The following CYP2B6 variants were observed in gnomAD, a reference collection of about 807,000 sequenced individuals.
The protein encoded by CYP2B6 is cytochrome P450 family 2 subfamily B member 6.
A neutral mutation model predicts 43.4 loss-of-function variants in CYP2B6; 35 were observed. The observed-to-expected ratio is 0.81, with a 90% CI of 0.62 to 1.07. The LOEUF (loss-of-function observed/expected upper bound fraction) is 1.07, where lower values mean the gene tolerates loss of function less well. Among genes scored for constraint, CYP2B6 ranks in the 50% least tolerant of loss-of-function variants. The pLI is 0.00. For missense variants in CYP2B6, 624 were observed against 632.8 expected (o/e 0.99, Z 0.15); for synonymous variants, 239 against 239.2 (o/e 1.00, Z 0.01).
chr19:41,004,543 G>T, intron 3 of CYP2B6, 97 bp downstream of exon 3: 1 of 1,376,516 alleles, frequency 7.3e-7, no homozygotes, highest in East Asian at 2.4e-5. Flanking sequence ...TAAGGGCACA[G>T]ACAGAGACAG....
rs28399489 is a variant in CYP2B6 at position 41,006,787 on chromosome 19, C to T, written c.485-118C>T. 2,129 of 929,064 alleles carry T rather than the reference C, an allele frequency of 2.3e-3. 33 individuals carry two copies. In the African/African-American group the frequency reaches 0.03, roughly 13 times the overall value. 57.6% of individuals were successfully genotyped at this position (929,064 alleles called of 1,614,324 possible). A position where few individuals can be genotyped will look rare whatever the true frequency, so the allele number is the denominator to read the frequency against. ...CGTGCTGGTACATAATTAGCTGTTA[C>T]GGTTATTCTCATGTTTACCATTACT... On this transcript the variant is annotated intron_variant, in intron 3 of 8. Transcript: ENST00000324071.
chr19:40,997,352 T>C (rs62109048), intron 1 of CYP2B6, among the ~76,000 whole-genome samples: 43,868 of 151,882 alleles, frequency 0.29, 6,898 homozygotes, highest in African/African-American at 0.38. Flanking sequence ...CACTTTCCAA[T>C]GGGAGAATTA....
chr19:41,012,219 G>A, intron 6 of CYP2B6, 79 bp from the exon 7 acceptor site: 1 of 1,403,760 alleles, frequency 7.1e-7, no homozygotes, highest in Non-Finnish European at 1.0e-6. Flanking sequence ...AAAATTGCTG[G>A]GATTACAGGC....
chr19:40,995,516 G>C (rs1334265447), intron 1 of CYP2B6, among the ~76,000 whole-genome samples: 1 of 152,188 alleles, frequency 6.6e-6, no homozygotes, highest in East Asian at 1.9e-4. Flanking sequence ...TCTAGATCAT[G>C]AAAGGTCTGG....
chr19:41,017,534 A>T lies in CYP2B6; in HGVS notation c.*707A>T, dbSNP rs1373157890. 2 of 151,898 alleles carry T rather than the reference A, an allele frequency of 1.3e-5. No homozygotes were observed. The highest frequency in any genetic ancestry group is 2.9e-5 in the Non-Finnish European group (2 of 67,998). 9.4% of individuals were successfully genotyped at this position (151,898 alleles called of 1,614,324 possible). A position where few individuals can be genotyped will look rare whatever the true frequency, so the allele number is the denominator to read the frequency against. Reference sequence around the variant, plus strand: ...ACCCAGGTTCGAGTTCAGTGGTGCCATCTCTGTCCACTGCAACCTCCACAT... The same window carrying T: ...ACCCAGGTTCGAGTTCAGTGGTGCCTTCTCTGTCCACTGCAACCTCCACAT... On this transcript the variant is annotated 3_prime_UTR_variant, in exon 9 of 9. Transcript: ENST00000324071.
chr19:40,999,399 T>C (rs1969047681), intron 1 of CYP2B6, among the ~76,000 whole-genome samples: 1 of 152,020 alleles, frequency 6.6e-6, no homozygotes, highest in Admixed American at 6.5e-5. Flanking sequence ...GTAGTTTCTT[T>C]TGCTGTGCAG....
Position 41,004,384 on chromosome 19 carries a change from G to T in CYP2B6, c.422G>T (p.Ser141Ile). 6.2e-7 allele frequency: 1 copy of T among 1,614,070 alleles called. No individual in the cohort carries two copies. Among genetic ancestry groups the T allele is most frequent in the Non-Finnish European group, 8.5e-7 (1 of 1,180,030 alleles). ...TMRDFGMGKR[S>I]VEERIQEEAQ... ...AGGGACTTCGGGATGGGAAAGCGGA[G>T]TGTGGAGGAGCGGATTCAGGAGGAG... Residue 141 changes from serine (S) to isoleucine (I), a missense_variant, in exon 3 of 9, where the codon AGT becomes ATT. Ser to Ile is a moderately radical substitution (Grantham distance 142). Transcript: ENST00000324071.
intron 1 of CYP2B6, among the ~76,000 whole-genome samples, chr19:40,992,563 G>C (rs996371387): frequency 1.3e-5 from 2 of 152,056 alleles, no homozygotes; most frequent in African/African-American, 4.8e-5. Flanking sequence ...CTGTCAGCCA[G>C]GCTGAAGTGC....
chr19:41,008,438 G>T (rs1969228810), intron 4 of CYP2B6, among the ~76,000 whole-genome samples: 1 of 133,366 alleles, frequency 7.5e-6, no homozygotes, highest in Admixed American at 7.9e-5. Context: ...GGTCAACATA[G>T]CTACAGCTAT....
rs188688874 is a variant in CYP2B6 at position 40,996,124 on chromosome 19, T to A, written c.171+4648T>A. Among the ~76,000 whole-genome samples, 443 of 152,212 alleles carry A rather than the reference T, an allele frequency of 2.9e-3. 3 individuals carry two copies. The highest frequency in any genetic ancestry group is 0.01 in the African/African-American group (420 of 41,486). ...TGGGCCTGTAATAAACTTTGAGGGA[T>A]GTGGAGTTGGGGAGTATAGGTAAGG... is the stretch of plus-strand genomic sequence containing the variant. On this transcript the variant is annotated intron_variant, in intron 1 of 8. Coordinates refer to ENST00000324071, the MANE Select transcript of CYP2B6 (RefSeq NM_000767.5).
chr19:41,004,468 G>A, intron 3 of CYP2B6, 22 bp downstream of exon 3: 3 of 1,612,364 alleles, frequency 1.9e-6, no homozygotes, highest in East Asian at 2.2e-5. Context: ...GGGATGAATA[G>A]GAAAGAAAGA....
intron 8 of CYP2B6, chr19:41,013,031 G>A: frequency 1.6e-6 from 1 of 606,416 alleles, no homozygotes; most frequent in Non-Finnish European, 2.9e-6. Context: ...AGGACCTTGG[G>A]CAAGTATTTT....
At chr19:40,992,333 A>G (rs1260205422) in intron 1 of CYP2B6, among the ~76,000 whole-genome samples, 2 of 152,044 alleles carry the variant, frequency 1.3e-5, no homozygotes, top group Non-Finnish European at 2.9e-5. Context: ...TTTGAGATTG[A>G]CCAAAACCTT....
rs116960502 is a variant in CYP2B6 at position 40,997,365 on chromosome 19, A to G, written c.171+5889A>G. On this transcript the variant is annotated intron_variant, in intron 1 of 8. Coordinates refer to ENST00000324071, the MANE Select transcript of CYP2B6 (RefSeq NM_000767.5). ...CCCACTTTCCAATGGGAGAATTAGA[A>G]CACTGACAATACCTTCCAGCTCCTC... is the stretch of plus-strand genomic sequence containing the variant. Among the ~76,000 whole-genome samples the G allele has an allele frequency of 5.1e-3, 770 of 152,196 alleles. 3 individuals carry two copies. Among genetic ancestry groups the G allele is most frequent in the Middle Eastern group, 0.017 (5 of 294 alleles).
intron 4 of CYP2B6, chr19:41,007,266 A>G (rs1444048988): frequency 3.7e-5 from 22 of 595,428 alleles, no homozygotes; most frequent in East Asian, 1.1e-4. Context: ...AGAGAGAATG[A>G]GGCGTGATGG....
chr19:40,996,376 C>T (rs970829759), intron 1 of CYP2B6, among the ~76,000 whole-genome samples: 2 of 152,060 alleles, frequency 1.3e-5, no homozygotes, highest in African/African-American at 4.8e-5. Context: ...TCCAGGAATG[C>T]CCAGTAAGGA....
chr19:41,011,638 A>G (rs185769140), intron 6 of CYP2B6, among the ~76,000 whole-genome samples: 200 of 152,312 alleles, frequency 1.3e-3, no homozygotes, highest in African/African-American at 4.6e-3. Context: ...TATAAACACA[A>G]TAAATATTAG....
In CYP2B6 at chr19:41,012,400, T is replaced by G; in HGVS notation, c.1067T>G (p.Ile356Ser). The G allele has an allele frequency of 6.2e-7, 1 of 1,614,032 alleles. No individual in the cohort carries two copies. Among genetic ancestry groups the G allele is most frequent in the South Asian group, 1.1e-5 (1 of 91,076 alleles). The change falls in exon 7 of 9, where the codon ATT (isoleucine) becomes AGT (serine). Residue 356 changes from isoleucine to serine, a missense_variant. By Grantham distance (142) the Ile-to-Ser change is moderately radical. Coordinates refer to ENST00000324071, the MANE Select transcript of CYP2B6 (RefSeq NM_000767.5). ...TACACAGAGGCAGTCATCTATGAGA[T>G]TCAGAGATTTTCCGACCTTCTCCCC... ...MPYTEAVIYE[I>S]QRFSDLLPMG...
intron 1 of CYP2B6, 31 bp from the exon 2 acceptor site, chr19:41,003,970 C>T: frequency 6.2e-7 from 1 of 1,606,258 alleles, no homozygotes; most frequent in Non-Finnish European, 8.5e-7. Flanking sequence ...TGCTGACTAA[C>T]AGCCACCCCT....
Sources: allele counts gnomAD v4.1 joint callset (sites outside exome capture counted in the v4.1 genomes callset), GRCh38; gene constraint gnomAD v4.1.1; transcripts MANE v1.5; gene names NCBI Gene and HGNC (gene_info 2026-07-23, HGNC 2026-07-21).